PTN: variants seen among roughly 807,000 people sequenced by gnomAD.
The protein encoded by PTN is pleiotrophin, also known as heparin affin regulatory protein.
In PTN, 18 loss-of-function variants were observed where a neutral mutation model predicts 24.1. The observed-to-expected ratio is 0.75, with a 90% CI of 0.52 to 1.11. PTN has a LOEUF of 1.11. Among genes scored for constraint, PTN ranks in the 50% least tolerant of loss-of-function variants. PTN has a pLI of 0.00. For synonymous variants in PTN, 78 were observed against 68.6 expected (o/e 1.14, Z -0.67); for missense variants, 163 against 198.8 (o/e 0.82, Z 1.08).
intron 1 of PTN, among the ~76,000 whole-genome samples, chr7:137,323,295 A>C (rs921836394): frequency 6.6e-6 from 1 of 152,202 alleles, no homozygotes; most frequent in Non-Finnish European, 1.5e-5. Context: ...CAAATTTGTT[A>C]TGTATGTCGT....
intron 1 of PTN, among the ~76,000 whole-genome samples, chr7:137,257,500 C>T (rs756436994): frequency 1.2e-4 from 18 of 152,140 alleles, no homozygotes; most frequent in Non-Finnish European, 1.6e-4. Context: ...TACATCAGTG[C>T]TACTATATCT....
At chr7:137,283,952 ATTTTTTTTTTTTTTTTTTTT>A (rs753374720) in intron 1 of PTN, among the ~76,000 whole-genome samples, 62 of 48,910 alleles carry the variant, frequency 1.3e-3, no homozygotes, top group African/African-American at 5.8e-3. Flanking sequence ...TGAGCATCAG[ATTTTTTTTTTTTTTTTTTTT>A]TTTTTTTTTT....
At chr7:137,329,506 C>G (rs1158891913) in intron 1 of PTN, among the ~76,000 whole-genome samples, 1 of 152,108 alleles carries the variant, frequency 6.6e-6, no homozygotes, top group Non-Finnish European at 1.5e-5. Flanking sequence ...CAGACAACAG[C>G]AGGAGCTTGG....
At position 137,343,577 on chromosome 7, in the gene PTN, G is replaced by A; in HGVS notation, c.-140C>T. 1 of 519,012 alleles carries A rather than the reference G, an allele frequency of 1.9e-6. No homozygotes were observed. 32.2% of individuals were successfully genotyped at this position (519,012 alleles called of 1,614,324 possible). On this transcript the variant is annotated 5_prime_UTR_variant, in exon 1 of 5. Transcript: ENST00000348225. The stretch of plus-strand genomic sequence containing the variant: ...TGCTCTCCCCGCCTTCTGGACGGAT[G>A]ACTCACTGGTCTCTTTCTTCCCCTC...
rs182763612 is a variant in PTN at position 137,265,861 on chromosome 7, T to C, written c.-1-10887A>G. The stretch of plus-strand genomic sequence containing the variant: ...AAAGTTTGTTTTAAGTTTTTAACTT[T>C]TATGATCTTCTTGTAAAATGAATGT... On this transcript the variant is annotated intron_variant, in intron 1 of 4. Transcript: ENST00000348225. Among the ~76,000 whole-genome samples the C allele has an allele frequency of 4.7e-4, 71 of 152,294 alleles. 1 individual carries two copies. In the East Asian group the frequency reaches 0.012, roughly 25 times the overall value.
intron 1 of PTN, among the ~76,000 whole-genome samples, chr7:137,300,311 A>T (rs1809786414): frequency 6.6e-6 from 1 of 151,916 alleles, no homozygotes; most frequent in Non-Finnish European, 1.5e-5. Flanking sequence ...TTTCAAATGA[A>T]CTTAATTTTC....
At chr7:137,232,949 C>T (rs1446452712) in intron 4 of PTN, among the ~76,000 whole-genome samples, 2 of 151,890 alleles carry the variant, frequency 1.3e-5, no homozygotes, top group African/African-American at 2.4e-5. Flanking sequence ...CCTGAGGTCT[C>T]CCCAGCTATG....
chr7:137,251,568 CAT>C (rs1198475683), intron 3 of PTN, among the ~76,000 whole-genome samples, 177 bp from the exon 4 acceptor site: 2 of 152,182 alleles, frequency 1.3e-5, no homozygotes, highest in African/African-American at 2.4e-5. Flanking sequence ...AATTCTATCA[CAT>C]GTGTAGATGC....
intron 4 of PTN, among the ~76,000 whole-genome samples, chr7:137,248,140 C>T (rs1380303216): frequency 6.6e-6 from 1 of 152,162 alleles, no homozygotes; most frequent in Non-Finnish European, 1.5e-5. Context: ...TTACTATTTG[C>T]TTTCCCATTG....
intron 4 of PTN, among the ~76,000 whole-genome samples, chr7:137,242,012 A>G (rs1808636992): frequency 6.6e-6 from 1 of 152,050 alleles, no homozygotes; most frequent in African/African-American, 2.4e-5. Context: ...TGCCATGCTC[A>G]CTCCTGAGGG....
rs139333608 is a variant in PTN at position 137,327,964 on chromosome 7, G to C, written c.-2+15475C>G. Among the ~76,000 whole-genome samples, 385 of 152,284 alleles carry C rather than the reference G, an allele frequency of 2.5e-3. 1 individual carries two copies. Among genetic ancestry groups the C allele is most frequent in the African/African-American group, 8.4e-3 (349 of 41,552 alleles). ...CGGACACCTTGTTATTCAGCTACTGGATGATGGGTGTGGGTACTTGCAGTA... is the reference window on the plus strand; with the variant it reads ...CGGACACCTTGTTATTCAGCTACTGCATGATGGGTGTGGGTACTTGCAGTA... On this transcript the variant is annotated intron_variant, in intron 1 of 4. Transcript: ENST00000348225.
At chr7:137,243,446 A>T (rs1450831096) in intron 4 of PTN, among the ~76,000 whole-genome samples, 1 of 152,188 alleles carries the variant, frequency 6.6e-6, no homozygotes, top group Non-Finnish European at 1.5e-5. Flanking sequence ...GCATCAATGC[A>T]TCATCTAGCC....
chr7:137,227,938 C>A lies in PTN; in HGVS notation c.*82G>T. 1 of 1,519,028 alleles carries A rather than the reference C, an allele frequency of 6.6e-7. No homozygotes were observed. The highest frequency in any genetic ancestry group is 8.8e-7 in the Non-Finnish European group (1 of 1,137,888). The allele number at this position is 1,519,028 out of a possible 1,614,324, so 94.1% of individuals were successfully genotyped here. A position where few individuals can be genotyped will look rare whatever the true frequency, so the allele number is the denominator to read the frequency against. On this transcript the variant is annotated 3_prime_UTR_variant, in exon 5 of 5. Coordinates refer to ENST00000348225, the MANE Select transcript of PTN (RefSeq NM_002825.7). ...CTTAGCTATAGATAATTTTTGAATA[C>A]AAAGCCTACGGTACATATAAATGCA...
intron 1 of PTN, among the ~76,000 whole-genome samples, chr7:137,259,582 T>C (rs569210812): frequency 1.3e-3 from 203 of 151,932 alleles, no homozygotes; most frequent in African/African-American, 4.7e-3. Flanking sequence ...TGTACCCCTT[T>C]ACTCTTATTA....
intron 1 of PTN, among the ~76,000 whole-genome samples, chr7:137,299,035 G>A (rs1022127644): frequency 2.0e-5 from 3 of 151,884 alleles, no homozygotes; most frequent in Admixed American, 1.3e-4. Context: ...TACCCCTGGG[G>A]TTTAATGAAA....
At chr7:137,300,779 CCT>C (rs919770729) in intron 1 of PTN, among the ~76,000 whole-genome samples, 13 of 152,008 alleles carry the variant, frequency 8.6e-5, no homozygotes, top group Admixed American at 3.9e-4. Context: ...TTGATTTTCC[CCT>C]GACTCCACCC....
chr7:137,291,287 C>T (rs1809635636), intron 1 of PTN, among the ~76,000 whole-genome samples: 1 of 152,108 alleles, frequency 6.6e-6, no homozygotes, highest in Non-Finnish European at 1.5e-5. Context: ...AAATTTTCTA[C>T]ATTTTATAAA....
chr7:137,263,112 G>A (rs1325048166), intron 1 of PTN, among the ~76,000 whole-genome samples: 1 of 152,180 alleles, frequency 6.6e-6, no homozygotes, highest in Non-Finnish European at 1.5e-5. Context: ...CACTTGTGCT[G>A]AAGCATTTTG....
At chr7:137,242,803 C>T (rs1287550915) in intron 4 of PTN, among the ~76,000 whole-genome samples, 1 of 152,196 alleles carries the variant, frequency 6.6e-6, no homozygotes, top group South Asian at 2.1e-4. Context: ...GTCCCCTGAC[C>T]CACACAGACA....
Sources: gnomAD v4.1 joint callset for allele counts (sites outside exome capture counted in the v4.1 genomes callset) on GRCh38, gnomAD v4.1.1 for gene constraint, MANE v1.5 for transcripts, NCBI Gene and HGNC (gene_info 2026-07-23, HGNC 2026-07-21) for gene names.